SPTBN1: variants seen among roughly 807,000 people sequenced by gnomAD.
The protein encoded by SPTBN1 is spectrin beta, non-erythrocytic 1, also known as spectrin beta chain, non-erythrocytic 1.
Under a neutral mutation model 266.4 loss-of-function variants are expected in SPTBN1, and 32 were observed. The ratio of observed to expected loss-of-function variants is 0.12; its 90% CI spans 0.09 to 0.16. The LOEUF (loss-of-function observed/expected upper bound fraction) is 0.16, where lower values mean the gene tolerates loss of function less well. SPTBN1 is among the 10% of genes least tolerant of loss of function. SPTBN1 has a pLI of 1.00. For synonymous variants in SPTBN1, 1,336 were observed against 1,162.2 expected (o/e 1.15, Z -3.04); for missense variants, 2,296 against 3,067.1 (o/e 0.75, Z 5.94).
chr2:54,517,416 T>TA (rs1197860676), intron 1 of SPTBN1, among the ~76,000 whole-genome samples: 3 of 150,574 alleles, frequency 2.0e-5, no homozygotes, highest in African/African-American at 7.5e-5. Context: ...TCTTGTAACA[T>TA]ACTCAGGGAA....
chr2:54,642,512 GA>G (rs1350305780), intron 18 of SPTBN1, among the ~76,000 whole-genome samples: 1 of 148,416 alleles, frequency 6.7e-6, no homozygotes, highest in African/African-American at 2.5e-5. Flanking sequence ...CAAAAAGGGG[GA>G]GGTAATAAAT....
chr2:54,586,642 G>A (rs567409394), intron 2 of SPTBN1, among the ~76,000 whole-genome samples: 1 of 152,312 alleles, frequency 6.6e-6, no homozygotes, highest in South Asian at 2.1e-4. Context: ...AGACAGCTCT[G>A]TGTGGTGGCT....
chr2:54,665,358 A>G (rs1681300497), intron 33 of SPTBN1, among the ~76,000 whole-genome samples: 1 of 152,342 alleles, frequency 6.6e-6, no homozygotes, highest in South Asian at 2.1e-4. Context: ...GGTGTAATAC[A>G]GGCCGGTGTT....
intron 33 of SPTBN1, among the ~76,000 whole-genome samples, chr2:54,665,068 TTA>T (rs1681284133): frequency 6.6e-6 from 1 of 152,188 alleles, no homozygotes. Context: ...ATATCAGCCT[TTA>T]TATATATTCA....
chr2:54,598,422 C>T (rs1046688602), intron 2 of SPTBN1, among the ~76,000 whole-genome samples: 3 of 151,704 alleles, frequency 2.0e-5, no homozygotes, highest in South Asian at 2.1e-4. Flanking sequence ...AAAGACTTCC[C>T]GATGCCTGCG....
chr2:54,662,164 G>T (rs1442275431), intron 32 of SPTBN1: 7 of 985,386 alleles, frequency 7.1e-6, no homozygotes, highest in South Asian at 4.7e-5. Context: ...AGCAACGTGG[G>T]GGGTGGGGTT....
chr2:54,660,695 T>A (rs1476179541), intron 32 of SPTBN1: 1 of 985,340 alleles, frequency 1.0e-6, no homozygotes, highest in East Asian at 1.1e-4. Context: ...ATTTATTACT[T>A]TTTACAAACT....
chr2:54,635,029 G>A (rs567588017), intron 17 of SPTBN1, among the ~76,000 whole-genome samples: 1 of 152,320 alleles, frequency 6.6e-6, no homozygotes, highest in South Asian at 2.1e-4. Flanking sequence ...AACAGGCTCA[G>A]AAGTTACCCA....
At chr2:54,480,805 G>C (rs1668055194) in intron 1 of SPTBN1, among the ~76,000 whole-genome samples, 1 of 152,220 alleles carries the variant, frequency 6.6e-6, no homozygotes, top group African/African-American at 2.4e-5. Context: ...CTTATTGGCT[G>C]TGAATGTGGA....
At chr2:54,517,449 A>G (rs985862772) in intron 1 of SPTBN1, among the ~76,000 whole-genome samples, 48 of 150,708 alleles carry the variant, frequency 3.2e-4, no homozygotes, top group South Asian at 6.2e-4. Flanking sequence ...TCTGATAATC[A>G]TAGTGGGAAA....
intron 4 of SPTBN1, among the ~76,000 whole-genome samples, 194 bp downstream of exon 4, chr2:54,612,528 C>T (rs1273892212): frequency 6.6e-6 from 1 of 152,180 alleles, no homozygotes; most frequent in Non-Finnish European, 1.5e-5. Context: ...ACTACATCCT[C>T]CTGCAATTGT....
Position 54,666,036 on chromosome 2 carries a change from G to C in SPTBN1, c.6781G>C (p.Val2261Leu). Reference sequence around the variant, plus strand: ...GGTCCCTGTGAGTTTGAAAGAAGCTGTCTGCGAAGTGGCCCTTGATTACAA... The same window carrying C: ...GGTCCCTGTGAGTTTGAAAGAAGCTCTCTGCGAAGTGGCCCTTGATTACAA... ...SEVPVSLKEA[V>L]CEVALDYKKK... The change falls in exon 34 of 36, where the codon GTC (valine) becomes CTC (leucine). Residue 2261 changes from valine (V) to leucine (L), a missense_variant. Physicochemically the swap from Val to Leu is conservative, Grantham distance 32 (BLOSUM62 1). This residue lies in a region of SPTBN1 where 347 missense variants were observed against 368.5 expected (regional missense o/e 0.94). Coordinates refer to ENST00000356805, the MANE Select transcript of SPTBN1 (RefSeq NM_003128.3). 6.2e-7 allele frequency: 1 copy of C among 1,613,988 alleles called. No homozygotes were observed. Among genetic ancestry groups the C allele is most frequent in the Non-Finnish European group, 8.5e-7 (1 of 1,179,952 alleles).
At chr2:54,606,123 A>G (rs181154649) in intron 3 of SPTBN1, among the ~76,000 whole-genome samples, 1 of 152,198 alleles carries the variant, frequency 6.6e-6, no homozygotes, top group Admixed American at 6.5e-5. Context: ...TGAGAGGACC[A>G]CTTTTTCTAC....
chr2:54,552,555 C>T (rs1006633134), intron 2 of SPTBN1, among the ~76,000 whole-genome samples: 1 of 64,886 alleles, frequency 1.5e-5, no homozygotes, highest in Non-Finnish European at 2.8e-5. Context: ...CTCCCAGATT[C>T]AAGCGATTCT....
intron 8 of SPTBN1, among the ~76,000 whole-genome samples, chr2:54,621,920 T>G (rs1194856334): frequency 2.4e-4 from 36 of 152,202 alleles, no homozygotes. Flanking sequence ...CATTGTCCTC[T>G]CAATGCAGTG....
chr2:54,601,528 G>A (rs1676497939), intron 3 of SPTBN1, among the ~76,000 whole-genome samples: 1 of 152,140 alleles, frequency 6.6e-6, no homozygotes, highest in African/African-American at 2.4e-5. Context: ...CAGAACTAAT[G>A]AGGTGGTTAG....
intron 2 of SPTBN1, among the ~76,000 whole-genome samples, chr2:54,582,311 G>A (rs190171280): frequency 6.6e-6 from 1 of 151,910 alleles, no homozygotes; most frequent in Admixed American, 6.6e-5. Context: ...TTCTGGTCTG[G>A]TGGTGCCTGA....
At chr2:54,655,692 C>G (rs1383078792) in intron 28 of SPTBN1, among the ~76,000 whole-genome samples, 1 of 152,224 alleles carries the variant, frequency 6.6e-6, no homozygotes, top group Non-Finnish European at 1.5e-5. Context: ...GACAAAACAG[C>G]TTTGGCAGGG....
intron 1 of SPTBN1, among the ~76,000 whole-genome samples, chr2:54,495,368 C>G (rs1400484685): frequency 6.6e-6 from 1 of 152,152 alleles, no homozygotes. Context: ...GCCACCCCCT[C>G]AAATCTGTTT....
Sources: gnomAD v4.1 joint callset for allele counts (sites outside exome capture counted in the v4.1 genomes callset) on GRCh38, gnomAD v4.1.1 for gene constraint, gnomAD v4.1.1 regional missense constraint, MANE v1.5 for transcripts, NCBI Gene and HGNC (gene_info 2026-07-23, HGNC 2026-07-21) for gene names.